Variants in COMP observed in about 807,000 individuals in gnomAD.
The protein encoded by COMP is cartilage oligomeric matrix protein (pseudoachondroplasia, epiphyseal dysplasia 1, multiple).
COMP carries 79 observed loss-of-function variants against 95.8 expected under a neutral mutation model. The ratio of observed to expected loss-of-function variants is 0.82; its 90% CI spans 0.69 to 0.99. COMP has a LOEUF of 0.99. COMP is among the 50% of genes least tolerant of loss of function. The pLI is 0.00. For synonymous variants in COMP, 438 were observed against 433.9 expected (o/e 1.01, Z -0.12); for missense variants, 906 against 1,076.1 (o/e 0.84, Z 2.21).
rs2055186702 is a variant in COMP, at chr19:18,788,485, G to T, written c.792C>A (p.Ile264=). ...VCAVGWAGNG[I]LCGRDTDLDG... is the part of the protein sequence containing the mutation. ...CTAGGTCAGTGTCGCGACCACAGAG[G>T]ATCCCGTTGCCGGCCCAGCCAACGG... Residue 264 remains isoleucine (I), a synonymous_variant, in exon 8 of 19, where the codon ATC becomes ATA. Coordinates refer to ENST00000222271, the MANE Select transcript of COMP (RefSeq NM_000095.3). This position sits in a 1 kb window ranked among gnomAD's most constrained non-coding sequence, Gnocchi z 4.7. 6.2e-7 allele frequency: 1 copy of T among 1,610,144 alleles called. No homozygotes were observed. The highest frequency in any genetic ancestry group is 8.5e-7 in the Non-Finnish European group (1 of 1,178,860).
Position 18,789,694 on chromosome 19 carries a change from G to T in COMP, c.390+248C>A, listed in dbSNP as rs1385674721. ...GGGCGGACCACCCCTGGCGGTGAGG[G>T]AGTCGTCGGGGCGGGCGTCACTAGC... is the stretch of plus-strand genomic sequence containing the variant. On this transcript the variant is annotated intron_variant, in intron 4 of 18. Coordinates refer to ENST00000222271, the MANE Select transcript of COMP (RefSeq NM_000095.3). The surrounding 1 kb of genome is among the most constrained non-coding windows in gnomAD (Gnocchi z 6.1). Among the ~76,000 whole-genome samples, 1 of 151,896 alleles carries T rather than the reference G, an allele frequency of 6.6e-6. No homozygotes were observed. Among genetic ancestry groups the T allele is most frequent in the Non-Finnish European group, 1.5e-5 (1 of 67,950 alleles).
chr19:18,787,846 T>TTTTTTCTTTTTC (rs373259295), intron 9 of COMP, among the ~76,000 whole-genome samples, 196 bp from the exon 10 acceptor site: 2 of 45,500 alleles, frequency 4.4e-5, no homozygotes, highest in African/African-American at 4.0e-4. Flanking sequence ...CTGTCTTTTC[T>TTTTTTCTTTTTC]TTTTTCTTTT....
chr19:18,783,061 G>A lies in COMP; in HGVS notation c.2220C>T (p.Arg740=). Reference sequence around the variant, plus strand: ...CGCTGGCCCTCGGCTCACCATTGCAGCGGTAACGCAGGTTGGCCCAGATGA... The same window carrying A: ...CGCTGGCCCTCGGCTCACCATTGCAACGGTAACGCAGGTTGGCCCAGATGA... ...ENIIWANLRY[R]CNDTIPEDYE... The change falls in exon 18 of 19, where the codon CGC becomes CGT. Residue 740 remains arginine (R), a synonymous_variant. Coordinates refer to ENST00000222271, the MANE Select transcript of COMP (RefSeq NM_000095.3). 6.2e-7 allele frequency: 1 copy of A among 1,612,286 alleles called. No individual in the cohort carries two copies. The highest frequency in any genetic ancestry group is 8.5e-7 in the Non-Finnish European group (1 of 1,180,004).
rs756371539 is a variant in COMP at position 18,790,077 on chromosome 19, C to T, written c.255G>A (p.Val85=). ...CGGGCGCGCAGTGGAGCAGGGGCCG[C>T]ACGCTGGGTAGGCCGGTGCGTACTG... ...QQSVRTGLPS[V]RPLLHCAPGF... is the part of the protein sequence containing the mutation. The change falls in exon 4 of 19, where the codon GTG becomes GTA. Residue 85 remains valine (V), a synonymous_variant. Transcript: ENST00000222271. The T allele has an allele frequency of 1.2e-4, 193 of 1,545,818 alleles. No homozygotes were observed. The highest frequency in any genetic ancestry group is 1.6e-4 in the Non-Finnish European group (183 of 1,149,888).
At position 18,791,230 on chromosome 19, in the gene COMP, C is replaced by T. The variant is rs1232516283; in HGVS notation, c.40G>A (p.Ala14Thr). The T allele has an allele frequency of 3.1e-6, 5 of 1,597,618 alleles. No homozygotes were observed. Among genetic ancestry groups the T allele is most frequent in the Admixed American group, 3.5e-5 (2 of 57,132 alleles). The change falls in exon 1 of 19, where the codon GCT (alanine) becomes ACT (threonine). Residue 14 changes from alanine to threonine, a missense_variant. Physicochemically the swap from Ala to Thr is moderately conservative, Grantham distance 58 (BLOSUM62 0). Transcript: ENST00000222271. Reference protein sequence around the residue: ...DTACVLLLTLAALGASGQGQS... With the variant: ...DTACVLLLTLTALGASGQGQS... Reference sequence around the variant, plus strand: ...CCCTGTCCGGACGCGCCGAGGGCAGCCAGGGTGAGCAGAAGAACGCAGGCG... The same window carrying T: ...CCCTGTCCGGACGCGCCGAGGGCAGTCAGGGTGAGCAGAAGAACGCAGGCG...
At chr19:18,790,701 A>T (rs1310351319) in intron 2 of COMP, 88 bp from the exon 3 acceptor site, 1 of 1,611,432 alleles carries the variant, frequency 6.2e-7, no homozygotes, top group Non-Finnish European at 8.5e-7. Context: ...CCCTTTCTAC[A>T]GCCTCTTTTC....
rs1449486472 is a variant in COMP at position 18,788,960 on chromosome 19, G to A, written c.529-47C>T. The A allele has an allele frequency of 3.8e-6, 6 of 1,597,350 alleles. No homozygotes were observed. The highest frequency in any genetic ancestry group is 4.3e-6 in the Non-Finnish European group (5 of 1,169,386). On this transcript the variant is annotated intron_variant, in intron 5 of 18. Coordinates refer to ENST00000222271, the MANE Select transcript of COMP (RefSeq NM_000095.3). The surrounding 1 kb of genome is among the most constrained non-coding windows in gnomAD (Gnocchi z 4.7). ...GTCACCACCCCACGCAGACACCTCC[G>A]GACCTCCCACCTCCTCCACACTTCC...
intron 9 of COMP, among the ~76,000 whole-genome samples, 196 bp from the exon 10 acceptor site, chr19:18,787,846 T>TTC (rs1555791604): frequency 2.2e-5 from 1 of 45,506 alleles, no homozygotes; most frequent in Non-Finnish European, 3.7e-5. Context: ...CTGTCTTTTC[T>TTC]TTTTTCTTTT....
chr19:18,787,850 TTC>T (rs1491113891), intron 9 of COMP, among the ~76,000 whole-genome samples, 200 bp from the exon 10 acceptor site: 1 of 64,682 alleles, frequency 1.5e-5, no homozygotes, highest in African/African-American at 1.0e-4. Context: ...CTTTTCTTTT[TTC>T]TTTTTCTTTT....
rs1318430946 is a variant in COMP, at chr19:18,790,733, G to A, written c.165+117C>T. 5.6e-6 allele frequency: 9 copies of A among 1,606,272 alleles called. No homozygotes were observed. In the African/African-American group the frequency reaches 1.2e-4, roughly 22 times the overall value. On this transcript the variant is annotated intron_variant, in intron 2 of 18. Coordinates refer to ENST00000222271, the MANE Select transcript of COMP (RefSeq NM_000095.3). ...TTTCGCCAAGGACTCCCTACCCGCC[G>A]ACCCCCTTCCCTCCCCATCTCCTCT...
rs148524911 is a variant in COMP, at chr19:18,783,675, T to C, written c.2088-482A>G. ...CCCATGCTGGAGTGCAATGGCACGATCTCCACTCACTGCAACTTCCGCTTC... is the reference window on the plus strand; with the variant it reads ...CCCATGCTGGAGTGCAATGGCACGACCTCCACTCACTGCAACTTCCGCTTC... On this transcript the variant is annotated intron_variant, in intron 17 of 18. Coordinates refer to ENST00000222271, the MANE Select transcript of COMP (RefSeq NM_000095.3). 2.1e-4 allele frequency among the ~76,000 whole-genome samples: 32 copies of C among 150,900 alleles called. No homozygotes were observed. The East Asian group carries it at 5.9e-3, about 28-fold the overall frequency.
Position 18,785,779 on chromosome 19 carries a change from G to C in COMP, c.1562C>G (p.Pro521Arg), listed in dbSNP as rs1056006024. The C allele has an allele frequency of 3.7e-6, 6 of 1,613,024 alleles. No individual in the cohort carries two copies. Among genetic ancestry groups the C allele is most frequent in the Non-Finnish European group, 5.1e-6 (6 of 1,179,840 alleles). ...DKVVDKIDVCPENAEVTLTDF... is the reference protein window; with the variant it reads ...DKVVDKIDVCRENAEVTLTDF... Reference sequence around the variant, plus strand: ...GGTGAGCGTGACTTCAGCGTTCTCCGGACACACGTCGATCTTGTCTACCAC... The same window carrying C: ...GGTGAGCGTGACTTCAGCGTTCTCCCGACACACGTCGATCTTGTCTACCAC... The change falls in exon 14 of 19, where the codon CCG (proline) becomes CGG (arginine). Residue 521 changes from proline (P) to arginine (R), a missense_variant. Transcript: ENST00000222271.
chr19:18,784,794 G>A lies in COMP; in HGVS notation c.1914+102C>T, dbSNP rs1181845496. On this transcript the variant is annotated intron_variant, in intron 16 of 18. Coordinates refer to ENST00000222271, the MANE Select transcript of COMP (RefSeq NM_000095.3). This position sits in a 1 kb window ranked among gnomAD's most constrained non-coding sequence, Gnocchi z 4.9. ...GGGACAGCTTTGAGGTCCATAGTAT[G>A]AGGCTAGGGGGCTGGGGGGCTCTAA... is the stretch of plus-strand genomic sequence containing the variant. The A allele has an allele frequency of 1.5e-6, 2 of 1,321,150 alleles. No individual in the cohort carries two copies. Among genetic ancestry groups the A allele is most frequent in the Non-Finnish European group, 2.1e-6 (2 of 930,590 alleles). 81.8% of individuals were successfully genotyped at this position (1,321,150 alleles called of 1,614,324 possible).
chr19:18,787,305 C>T (rs138478890), intron 10 of COMP, among the ~76,000 whole-genome samples, 186 bp downstream of exon 10: 44 of 152,382 alleles, frequency 2.9e-4, no homozygotes, highest in African/African-American at 8.9e-4. Context: ...AATATCCCTG[C>T]GTTTTTCCTG....
Position 18,789,304 on chromosome 19 carries a change from G to T in COMP, c.391-7C>A, listed in dbSNP as rs2055193257. ...AGCAGGGGTGGGCGTTGCACTGGGG[G>T]AGGAGGGGCCACAGAGGGTCAGAGG... On this transcript the variant is annotated splice_polypyrimidine_tract_variant and splice_region_variant and intron_variant, in intron 4 of 18. Coordinates refer to ENST00000222271, the MANE Select transcript of COMP (RefSeq NM_000095.3). This position sits in a 1 kb window ranked among gnomAD's most constrained non-coding sequence, Gnocchi z 6.1. 1 of 1,481,122 alleles carries T rather than the reference G, an allele frequency of 6.8e-7. No individual in the cohort carries two copies. Among genetic ancestry groups the T allele is most frequent in the East Asian group, 2.4e-5 (1 of 41,886 alleles). The allele number at this position is 1,481,122 out of a possible 1,614,324, so 91.7% of individuals were successfully genotyped here. A position where few individuals can be genotyped will look rare whatever the true frequency, so the allele number is the denominator to read the frequency against.
chr19:18,788,375 C>T lies in COMP; in HGVS notation c.867+35G>A. 6.3e-7 allele frequency: 1 copy of T among 1,594,190 alleles called. No homozygotes were observed. The highest frequency in any genetic ancestry group is 8.6e-7 in the Non-Finnish European group (1 of 1,167,832). On this transcript the variant is annotated intron_variant, in intron 8 of 18. Coordinates refer to ENST00000222271, the MANE Select transcript of COMP (RefSeq NM_000095.3). This position sits in a 1 kb window ranked among gnomAD's most constrained non-coding sequence, Gnocchi z 4.7. ...GCGGTCATGAAGTCCCGCCCTCCCT[C>T]CTGCCCAAGCCCGCCCCGCTCCGCC...
Position 18,785,960 on chromosome 19 carries a change from C to T in COMP, c.1489+5G>A, listed in dbSNP as rs918687726. ...CCCCCACCGCAGGCCCCGCCCCCGC[C>T]GTACTGTCCGCGTCCTCCTGGCCGG... On this transcript the variant is annotated splice_donor_5th_base_variant and intron_variant, in intron 13 of 18. Coordinates refer to ENST00000222271, the MANE Select transcript of COMP (RefSeq NM_000095.3). The T allele has an allele frequency of 8.7e-6, 14 of 1,601,688 alleles. No individual in the cohort carries two copies. Among genetic ancestry groups the T allele is most frequent in the Middle Eastern group, 1.7e-4 (1 of 5,764 alleles).
intron 10 of COMP, chr19:18,786,919 T>C: frequency 5.0e-6 from 2 of 402,002 alleles, no homozygotes; most frequent in Non-Finnish European, 4.6e-6. Context: ...ATTACAGGTG[T>C]GCGCCACCAC....
chr19:18,787,449 G>T, intron 10 of COMP, 42 bp downstream of exon 10: 1 of 1,603,874 alleles, frequency 6.2e-7, no homozygotes. Context: ...GCCCTTCGGT[G>T]CCCGCCGCCT....
Sources: gnomAD v4.1 joint callset for allele counts (sites outside exome capture counted in the v4.1 genomes callset) on GRCh38, gnomAD v4.1.1 for gene constraint, Gnocchi (gnomAD v3.1) non-coding constraint, MANE v1.5 for transcripts, NCBI Gene and HGNC (gene_info 2026-07-23, HGNC 2026-07-21) for gene names.